Variants in SLC5A4 observed in about 807,000 individuals in gnomAD.
The protein encoded by SLC5A4 is solute carrier family 5 member 4, also known as probable glucose sensor protein SLC5A4.
A neutral mutation model predicts 70.3 loss-of-function variants in SLC5A4; 55 were observed. The ratio of observed to expected loss-of-function variants is 0.78; its 90% confidence interval spans 0.63 to 0.98. The LOEUF is 0.98. Among genes scored for constraint, SLC5A4 ranks in the 50% least tolerant of loss-of-function variants. The pLI is 0.00. For synonymous variants in SLC5A4, 268 were observed against 305.7 expected (o/e 0.88, Z 1.29); for missense variants, 735 against 839.2 (o/e 0.88, Z 1.53).
the SLC5A4 span, among the ~76,000 whole-genome samples, chr22:32,308,857 T>C: frequency 6.7e-6 from 1 of 148,152 alleles, no homozygotes; most frequent in Non-Finnish European, 1.5e-5. Flanking sequence ...TATGTATGCA[T>C]GTGTGCATGT....
At chr22:32,220,075 T>C (rs1924992190) in intron 14 of SLC5A4, among the ~76,000 whole-genome samples, 1 of 152,046 alleles carries the variant, frequency 6.6e-6, no homozygotes, top group East Asian at 1.9e-4. Flanking sequence ...CTTATGGTAT[T>C]ATTGGCAAAA....
At chr22:32,327,406 A>G in the SLC5A4 span, 1 of 152,370 alleles carries the variant, frequency 6.6e-6, no homozygotes, top group Non-Finnish European at 1.5e-5. Flanking sequence ...GCCCTGGTGG[A>G]CCCATGGGAT....
chr22:32,345,866 G>A, the SLC5A4 span, among the ~76,000 whole-genome samples: 2 of 152,166 alleles, frequency 1.3e-5, no homozygotes, highest in Non-Finnish European at 2.9e-5. Flanking sequence ...GATTAAATCC[G>A]TCTAATTTAA....
intron 8 of SLC5A4, 26 bp downstream of exon 8, chr22:32,234,847 C>T (rs376214657): frequency 2.0e-6 from 3 of 1,502,512 alleles, no homozygotes; most frequent in African/African-American, 2.8e-5. Flanking sequence ...GACAGACAGA[C>T]AGACACACAT....
At chr22:32,262,404 C>G in the SLC5A4 span, among the ~76,000 whole-genome samples, 128 of 152,286 alleles carry the variant, frequency 8.4e-4, no homozygotes, top group South Asian at 1.4e-3. Flanking sequence ...GGAAGGGGCT[C>G]GGAGGGGCCT....
chr22:32,353,611 G>A, the SLC5A4 span, among the ~76,000 whole-genome samples: 3 of 151,632 alleles, frequency 2.0e-5, no homozygotes, highest in South Asian at 2.1e-4. Flanking sequence ...CCCCTAACCC[G>A]CCGCCGGCAG....
At chr22:32,254,662 G>A (rs1927367595) in intron 1 of SLC5A4, among the ~76,000 whole-genome samples, 1 of 152,132 alleles carries the variant, frequency 6.6e-6, no homozygotes, top group Non-Finnish European at 1.5e-5. Context: ...AAGTTAGCCG[G>A]GCGTGGTGGC....
chr22:32,232,801 C>A, intron 9 of SLC5A4, 98 bp downstream of exon 9: 1 of 1,457,596 alleles, frequency 6.9e-7, no homozygotes, highest in Non-Finnish European at 9.3e-7. Flanking sequence ...CTTTTACTTC[C>A]TTCCAGAATG....
At chr22:32,308,873 C>T in the SLC5A4 span, among the ~76,000 whole-genome samples, 1 of 152,168 alleles carries the variant, frequency 6.6e-6, no homozygotes, top group African/African-American at 2.4e-5. Context: ...CATGTATGTA[C>T]TTGTTTTCAA....
chr22:32,318,712 G>A, the SLC5A4 span, among the ~76,000 whole-genome samples: 1 of 152,164 alleles, frequency 6.6e-6, no homozygotes, highest in Non-Finnish European at 1.5e-5. Flanking sequence ...AGCCAGAGAA[G>A]CCCTGTGAAA....
At chr22:32,270,765 C>T in the SLC5A4 span, 2 of 627,318 alleles carry the variant, frequency 3.2e-6, no homozygotes, top group South Asian at 3.2e-5. Flanking sequence ...TAGGCAACCC[C>T]TGCGTGGTCA....
At chr22:32,234,624 G>A (rs1411385142) in intron 8 of SLC5A4, among the ~76,000 whole-genome samples, 2 of 152,098 alleles carry the variant, frequency 1.3e-5, no homozygotes, top group Admixed American at 1.3e-4. Flanking sequence ...ACCTGAACCC[G>A]GGAGGTGGAG....
At chr22:32,276,515 C>G in the SLC5A4 span, among the ~76,000 whole-genome samples, 2 of 152,104 alleles carry the variant, frequency 1.3e-5, no homozygotes, top group Admixed American at 1.3e-4. Context: ...TGCAATAGCT[C>G]CATTTGCATA....
chr22:32,354,562 C>A, the SLC5A4 span, among the ~76,000 whole-genome samples: 2 of 152,106 alleles, frequency 1.3e-5, no homozygotes, highest in Non-Finnish European at 2.9e-5. Flanking sequence ...ACTCGCCCGC[C>A]GGCCACGGCC....
chr22:32,317,918 C>T, the SLC5A4 span, among the ~76,000 whole-genome samples: 2 of 152,184 alleles, frequency 1.3e-5, no homozygotes, highest in Non-Finnish European at 2.9e-5. Context: ...TCCCTTAGCC[C>T]CTCCCAACAG....
intron 12 of SLC5A4, 108 bp from the exon 13 acceptor site, chr22:32,224,590 A>C: frequency 4.7e-6 from 4 of 852,414 alleles, no homozygotes; most frequent in South Asian, 1.6e-5. Context: ...GGACCAACAA[A>C]TGGCTAACCT....
Position 32,239,562 on chromosome 22 carries a change from ATATATAT to A in SLC5A4, c.478-479_478-473del, listed in dbSNP as rs548332690. Among the ~76,000 whole-genome samples the A allele has an allele frequency of 8.0e-3, 164 of 20,486 alleles. 3 individuals carry two copies. Among genetic ancestry groups the A allele is most frequent in the Admixed American group, 0.013 (26 of 2,056 alleles). 13.4% of individuals were successfully genotyped at this position (20,486 alleles called of 152,430 possible). The stretch of plus-strand genomic sequence containing the variant: ...TATATATATATATATATATATATAT[ATATATAT>A]TTATATATATATTTATATATATATA... On this transcript the variant is annotated intron_variant, in intron 5 of 14. Transcript: ENST00000266086.
chr22:32,292,601 T>C, the SLC5A4 span, among the ~76,000 whole-genome samples: 1 of 151,532 alleles, frequency 6.6e-6, no homozygotes, highest in African/African-American at 2.4e-5. Flanking sequence ...TGGTAGAAAA[T>C]TCCTATATAT....
chr22:32,332,923 CTT>C, the SLC5A4 span, among the ~76,000 whole-genome samples: 1 of 152,206 alleles, frequency 6.6e-6, no homozygotes, highest in African/African-American at 2.4e-5. Context: ...AATAAAGACT[CTT>C]TCTCCTTTGC....
Sources: allele counts gnomAD v4.1 joint callset (sites outside exome capture counted in the v4.1 genomes callset), GRCh38; gene constraint gnomAD v4.1.1; transcripts MANE v1.5; gene names NCBI Gene and HGNC (gene_info 2026-07-23, HGNC 2026-07-21).